Variants in EXOC5 observed in about 807,000 individuals in gnomAD.
EXOC5 encodes the protein exocyst complex component 5.
In EXOC5, 17 loss-of-function variants were observed where a neutral mutation model predicts 90.8. The observed-to-expected ratio is 0.19, with a 90% CI of 0.13 to 0.28. The LOEUF (loss-of-function observed/expected upper bound fraction) is 0.28, where lower values mean the gene tolerates loss of function less well. Among genes scored for constraint, EXOC5 ranks in the 10% least tolerant of loss-of-function variants. The pLI is 1.00. For missense variants in EXOC5, 569 were observed against 830.6 expected (o/e 0.69, Z 3.87); for synonymous variants, 260 against 270.0 (o/e 0.96, Z 0.36).
Position 57,209,571 on chromosome 14 carries a change from A to T in EXOC5, c.1934T>A (p.Phe645Tyr), listed in dbSNP as rs1882763887. 4 of 1,602,048 alleles carry T rather than the reference A, an allele frequency of 2.5e-6. No homozygotes were observed. Among genetic ancestry groups the T allele is most frequent in the Non-Finnish European group, 3.4e-6 (4 of 1,170,310 alleles). ...VAEYRKCAKD[F>Y]KIPMVLHLFD... The stretch of plus-strand genomic sequence containing the variant: ...GATGTTTTTGTGTACACATACCTTG[A>T]AGTCTTTGGCACACTTCCTATATTC... The change falls in exon 17 of 18, where the codon TTC becomes TAC. Residue 645 changes from phenylalanine to tyrosine, a missense_variant. Transcript: ENST00000621441.
intron 15 of EXOC5, among the ~76,000 whole-genome samples, chr14:57,212,556 T>A (rs1882860869): frequency 2.0e-5 from 3 of 152,224 alleles, no homozygotes; most frequent in Non-Finnish European, 4.4e-5. Flanking sequence ...AGCCATCTTA[T>A]CACCTGTATT....
At chr14:57,219,744 A>T (rs1883072809) in intron 13 of EXOC5, among the ~76,000 whole-genome samples, 2 of 152,102 alleles carry the variant, frequency 1.3e-5, no homozygotes, top group Admixed American at 6.6e-5. Flanking sequence ...CTCTGATAAC[A>T]GTTCGAATAA....
intron 15 of EXOC5, among the ~76,000 whole-genome samples, chr14:57,215,048 A>T (rs1882932959): frequency 6.6e-6 from 1 of 151,976 alleles, no homozygotes; most frequent in African/African-American, 2.4e-5. Flanking sequence ...TGGCTAACAC[A>T]GTAAAACCAT....
chr14:57,218,146 T>C (rs993352248), intron 14 of EXOC5, 78 bp from the exon 15 acceptor site: 2 of 652,230 alleles, frequency 3.1e-6, no homozygotes, highest in African/African-American at 3.7e-5. Flanking sequence ...CACCTATGTG[T>C]ATTACATTAT....
intron 4 of EXOC5, among the ~76,000 whole-genome samples, chr14:57,242,511 T>C (rs1883900007): frequency 6.6e-6 from 1 of 151,964 alleles, no homozygotes. Context: ...CCTAAAGTGC[T>C]GGGATTGCAG....
At position 57,205,374 on chromosome 14, in the gene EXOC5, T is replaced by TA. The variant is rs1882621295; in HGVS notation, c.*3234dup. 1 of 154,106 alleles carries TA rather than the reference T, an allele frequency of 6.5e-6. No individual in the cohort carries two copies. The highest frequency in any genetic ancestry group is 2.4e-5 in the African/African-American group (1 of 41,454). The allele number at this position is 154,106 out of a possible 1,614,324, so 9.5% of individuals were successfully genotyped here. The stretch of plus-strand genomic sequence containing the variant: ...ATGAAAGCACAAAATGCTTTGTATG[T>TA]AAAATTCAACAATATATGGGTAATG... On this transcript the variant is annotated 3_prime_UTR_variant, in exon 18 of 18. Coordinates refer to ENST00000621441, the MANE Select transcript of EXOC5 (RefSeq NM_006544.4).
chr14:57,210,593 G>T (rs187198442), intron 15 of EXOC5, among the ~76,000 whole-genome samples: 1 of 152,008 alleles, frequency 6.6e-6, no homozygotes, highest in Admixed American at 6.6e-5. Flanking sequence ...TACATGAAAC[G>T]TTTATGTTCA....
chr14:57,234,622 A>G (rs10144658), intron 7 of EXOC5, among the ~76,000 whole-genome samples: 5,007 of 149,318 alleles, frequency 0.034, 293 homozygotes, highest in African/African-American at 0.12. Context: ...CTGGAATGCA[A>G]TGGTGTCATC....
intron 1 of EXOC5, 171 bp downstream of exon 1, chr14:57,268,451 T>C (rs1884760418): frequency 2.1e-6 from 3 of 1,406,066 alleles, no homozygotes; most frequent in Non-Finnish European, 2.8e-6. Context: ...CCCTCCCCCA[T>C]TTCACGCTCC....
At chr14:57,263,900 GTC>G (rs945855100) in intron 1 of EXOC5, among the ~76,000 whole-genome samples, 3 of 151,994 alleles carry the variant, frequency 2.0e-5, no homozygotes, top group Admixed American at 6.6e-5. Flanking sequence ...GCCATCTTGT[GTC>G]TCTGCCTTGG....
intron 1 of EXOC5, among the ~76,000 whole-genome samples, chr14:57,267,375 T>C (rs1226896368): frequency 6.6e-6 from 1 of 152,178 alleles, no homozygotes; most frequent in Non-Finnish European, 1.5e-5. Flanking sequence ...GCATTATCTA[T>C]CCAAAAGCTG....
At chr14:57,213,884 C>T (rs1594647769) in intron 15 of EXOC5, among the ~76,000 whole-genome samples, 1 of 151,846 alleles carries the variant, frequency 6.6e-6, no homozygotes, top group African/African-American at 2.4e-5. Context: ...GCAGGAGAAT[C>T]ACTTGAACCC....
chr14:57,260,602 C>T lies in EXOC5; in HGVS notation c.27+8020G>A, dbSNP rs72720615. 4.5e-3 allele frequency among the ~76,000 whole-genome samples: 689 copies of T among 152,142 alleles called. 20 individuals are homozygous for T. The highest frequency in any genetic ancestry group is 2.8e-3 in the Non-Finnish European group (190 of 67,988). The stretch of plus-strand genomic sequence containing the variant: ...AAGTTATATATATTATGTCTATGTC[C>T]AAAAGGGAAAGGTAACAAATGTTAC... On this transcript the variant is annotated intron_variant, in intron 1 of 17. Transcript: ENST00000621441.
chr14:57,229,343 TTCTC>T (rs767788525), intron 12 of EXOC5, among the ~76,000 whole-genome samples: 6 of 152,156 alleles, frequency 3.9e-5, no homozygotes, highest in African/African-American at 1.4e-4. Context: ...ACATAGTCAG[TTCTC>T]TCTAACTGTA....
intron 1 of EXOC5, among the ~76,000 whole-genome samples, chr14:57,260,553 G>A (rs1884471646): frequency 6.6e-6 from 1 of 152,036 alleles, no homozygotes; most frequent in African/African-American, 2.4e-5. Flanking sequence ...TTCCAGGATA[G>A]AATATATCTC....
intron 1 of EXOC5, among the ~76,000 whole-genome samples, chr14:57,261,278 A>G (rs1884496782): frequency 6.6e-6 from 1 of 152,194 alleles, no homozygotes; most frequent in Non-Finnish European, 1.5e-5. Flanking sequence ...TCTCTCACAC[A>G]TGTGGGCACA....
At position 57,201,228 on chromosome 14, in the gene EXOC5, G is replaced by A. The variant is rs1194642132; in HGVS notation, c.*7381C>T. On this transcript the variant is annotated 3_prime_UTR_variant, in exon 18 of 18. Coordinates refer to ENST00000621441, the MANE Select transcript of EXOC5 (RefSeq NM_006544.4). ...GCAAGGCAAGTACAAGATGACCTTGGAAAATCCTGTTGTGCCCAGAATAAA... is the reference window on the plus strand; with the variant it reads ...GCAAGGCAAGTACAAGATGACCTTGAAAAATCCTGTTGTGCCCAGAATAAA... The A allele has an allele frequency of 6.6e-6, 1 of 152,014 alleles. No individual in the cohort carries two copies. Among genetic ancestry groups the A allele is most frequent in the African/African-American group, 2.4e-5 (1 of 41,396 alleles). The allele number at this position is 152,014 out of a possible 1,614,324, so 9.4% of individuals were successfully genotyped here. A position where few individuals can be genotyped will look rare whatever the true frequency, so the allele number is the denominator to read the frequency against.
chr14:57,218,131 T>C (rs971466616), intron 14 of EXOC5, 63 bp from the exon 15 acceptor site: 21 of 766,610 alleles, frequency 2.7e-5, no homozygotes, highest in Non-Finnish European at 4.5e-5. Context: ...TAAAAGTTTT[T>C]CATACACCTA....
intron 12 of EXOC5, among the ~76,000 whole-genome samples, chr14:57,222,760 CACATATATAT>C (rs1270100863): frequency 1.4e-5 from 2 of 147,786 alleles, no homozygotes; most frequent in Non-Finnish European, 3.0e-5. Context: ...CACACACACA[CACATATATAT>C]ATATATATAT....
Sources: allele counts gnomAD v4.1 joint callset (sites outside exome capture counted in the v4.1 genomes callset), GRCh38; gene constraint gnomAD v4.1.1; transcripts MANE v1.5; gene names NCBI Gene and HGNC (gene_info 2026-07-23, HGNC 2026-07-21).